Variants in ZNF558 observed in about 807,000 individuals in gnomAD.
The protein encoded by ZNF558 is zinc finger protein 558.
In ZNF558, 23 loss-of-function variants were observed where a neutral mutation model predicts 37.6. The observed-to-expected ratio is 0.61, with a 90% CI of 0.44 to 0.87. The LOEUF (loss-of-function observed/expected upper bound fraction) is 0.87. ZNF558 is among the 40% of genes least tolerant of loss of function. The pLI is 0.00. For synonymous variants in ZNF558, 189 were observed against 174.4 expected (o/e 1.08, Z -0.66); for missense variants, 429 against 483.7 (o/e 0.89, Z 1.06).
intron 8 of ZNF558, 64 bp from the exon 9 acceptor site, chr19:8,812,707 G>T: frequency 2.8e-6 from 3 of 1,066,524 alleles, no homozygotes; most frequent in Non-Finnish European, 4.1e-6. Flanking sequence ...GTACACATGA[G>T]TAAAGGCAGA....
chr19:8,821,159 C>G (rs373468431), intron 7 of ZNF558, 21 bp downstream of exon 7: 2 of 1,610,120 alleles, frequency 1.2e-6, no homozygotes, highest in Non-Finnish European at 1.7e-6. Flanking sequence ...TAAATAAATG[C>G]AGGAATGACA....
chr19:8,821,664 G>A, intron 6 of ZNF558: 2 of 1,304,672 alleles, frequency 1.5e-6, no homozygotes, highest in Non-Finnish European at 2.0e-6. Context: ...CCGTGACATG[G>A]CAGAAAGCAG....
At position 8,808,788 on chromosome 19, in the gene ZNF558, T is replaced by C. The variant is rs1555766660; in HGVS notation, c.*2493A>G. On this transcript the variant is annotated 3_prime_UTR_variant, in exon 10 of 10. Transcript: ENST00000601372. The stretch of plus-strand genomic sequence containing the variant: ...GGTTTCTTTTTTTAAAAATATTTAT[T>C]TGTTTATTTTGAGATGGAGTCTCGC... The C allele has an allele frequency of 6.6e-6, 1 of 151,966 alleles. No homozygotes were observed. Among genetic ancestry groups the C allele is most frequent in the African/African-American group, 2.4e-5 (1 of 41,332 alleles). 9.4% of individuals were successfully genotyped at this position (151,966 alleles called of 1,614,324 possible). A position where few individuals can be genotyped will look rare whatever the true frequency, so the allele number is the denominator to read the frequency against.
upstream of ZNF558, among the ~76,000 whole-genome samples, chr19:8,834,272 T>G (rs1305316939): frequency 6.6e-6 from 1 of 152,152 alleles, no homozygotes; most frequent in African/African-American, 2.4e-5. Flanking sequence ...AAGACTGTTC[T>G]CTTCAACAAA....
chr19:8,837,713 T>C, the ZNF558 span, among the ~76,000 whole-genome samples: 1 of 152,190 alleles, frequency 6.6e-6, no homozygotes, highest in Non-Finnish European at 1.5e-5. Flanking sequence ...CTGAGGATAC[T>C]TTATACTCTG....
chr19:8,817,760 T>TCC (rs1171935858), intron 7 of ZNF558, among the ~76,000 whole-genome samples: 1 of 152,202 alleles, frequency 6.6e-6, no homozygotes, highest in African/African-American at 2.4e-5. Flanking sequence ...ATTATAGTTG[T>TCC]ATAAAGCATC....
At chr19:8,834,288 C>G (rs1384258308), upstream of ZNF558, among the ~76,000 whole-genome samples, 1 of 152,132 alleles carries the variant, frequency 6.6e-6, no homozygotes, top group Non-Finnish European at 1.5e-5. Context: ...ACAAATTGTG[C>G]TGGGACAACT....
At chr19:8,828,221 A>G (rs1303091526) in intron 2 of ZNF558, among the ~76,000 whole-genome samples, 1 of 152,218 alleles carries the variant, frequency 6.6e-6, no homozygotes, top group Non-Finnish European at 1.5e-5. Flanking sequence ...CTAAAACAAC[A>G]GCCAAAGAAG....
upstream of ZNF558, among the ~76,000 whole-genome samples, chr19:8,832,845 T>C (rs112537142): frequency 9.5e-4 from 139 of 146,156 alleles, no homozygotes; most frequent in African/African-American, 3.4e-3. Context: ...GCCCTGGAGG[T>C]TGGGGCTGGC....
chr19:8,819,656 G>A (rs2044031663), intron 7 of ZNF558, among the ~76,000 whole-genome samples: 1 of 152,202 alleles, frequency 6.6e-6, no homozygotes, highest in African/African-American at 2.4e-5. Flanking sequence ...ATGGGCAGAG[G>A]ACTGGGAGCG....
chr19:8,829,620 T>C (rs2044305525), intron 2 of ZNF558, among the ~76,000 whole-genome samples: 1 of 152,194 alleles, frequency 6.6e-6, no homozygotes. Flanking sequence ...CCAGGGTCCC[T>C]GTGCATCTGA....
At position 8,814,865 on chromosome 19, in the gene ZNF558, T is replaced by C. The variant is rs372294404; in HGVS notation, c.248-1643A>G. On this transcript the variant is annotated intron_variant, in intron 7 of 9. Coordinates refer to ENST00000601372, the MANE Select transcript of ZNF558 (RefSeq NM_144693.3). ...AAAGTTAGTTCTGAAATAGAACTAT[T>C]GTATATTCTAACAGGAGTTTACAAT... 2.3e-3 allele frequency among the ~76,000 whole-genome samples: 348 copies of C among 152,350 alleles called. 2 individuals carry two copies. Among genetic ancestry groups the C allele is most frequent in the East Asian group, 7.3e-3 (38 of 5,188 alleles).
Position 8,813,214 on chromosome 19 carries a change from C to A in ZNF558, c.256G>T (p.Val86Phe). ...TGGGATATCAGACTGGGTTTATTAACACGACACCCTATTTATGGAAACAAT... is the reference window on the plus strand; with the variant it reads ...TGGGATATCAGACTGGGTTTATTAAAACGACACCCTATTTATGGAAACAAT... ...CRNLASLGCRVNKPSLISQLE... is the reference protein window; with the variant it reads ...CRNLASLGCRFNKPSLISQLE... The change falls in exon 8 of 10, where the codon GTT becomes TTT. Residue 86 changes from valine (V) to phenylalanine (F), a missense_variant. Transcript: ENST00000601372. 1.9e-6 allele frequency: 3 copies of A among 1,590,562 alleles called. No homozygotes were observed. The highest frequency in any genetic ancestry group is 2.6e-6 in the Non-Finnish European group (3 of 1,167,204).
chr19:8,806,844 T>C lies in ZNF558; in HGVS notation c.*4437A>G, dbSNP rs901225502. On this transcript the variant is annotated 3_prime_UTR_variant, in exon 10 of 10. Coordinates refer to ENST00000601372, the MANE Select transcript of ZNF558 (RefSeq NM_144693.3). ...CCCTTTATATGTCAGATGTCATTCA[T>C]TGTCTTCTTGCTTCCATAGTTTCTT... 2.0e-5 allele frequency: 3 copies of C among 152,222 alleles called. No homozygotes were observed. Among genetic ancestry groups the C allele is most frequent in the Non-Finnish European group, 4.4e-5 (3 of 68,042 alleles). 9.4% of individuals were successfully genotyped at this position (152,222 alleles called of 1,614,324 possible).
chr19:8,826,100 CCA>C (rs1350007545), intron 2 of ZNF558, among the ~76,000 whole-genome samples: 1 of 152,008 alleles, frequency 6.6e-6, no homozygotes, highest in African/African-American at 2.4e-5. Context: ...GAGGAACAAG[CCA>C]CAGTCAGGGA....
Position 8,806,723 on chromosome 19 carries a change from C to T in ZNF558, c.*4558G>A, listed in dbSNP as rs1460483072. 2.6e-5 allele frequency: 4 copies of T among 151,658 alleles called. No individual in the cohort carries two copies. The highest frequency in any genetic ancestry group is 4.4e-5 in the Non-Finnish European group (3 of 67,966). The allele number at this position is 151,658 out of a possible 1,614,324, so 9.4% of individuals were successfully genotyped here. A position where few individuals can be genotyped will look rare whatever the true frequency, so the allele number is the denominator to read the frequency against. ...AAAAAAAAAAAAAAAAATATTCCCT[C>T]CCATTGGAAAACATTGTTGCCTTCA... On this transcript the variant is annotated 3_prime_UTR_variant, in exon 10 of 10. Coordinates refer to ENST00000601372, the MANE Select transcript of ZNF558 (RefSeq NM_144693.3).
rs1208858965 is a variant in ZNF558, at chr19:8,831,419, A to G, written c.-592-18T>C. The G allele has an allele frequency of 6.7e-6, 1 of 149,716 alleles. No individual in the cohort carries two copies. Among genetic ancestry groups the G allele is most frequent in the Non-Finnish European group, 1.5e-5 (1 of 67,348 alleles). The allele number at this position is 149,716 out of a possible 1,614,324, so 9.3% of individuals were successfully genotyped here. On this transcript the variant is annotated intron_variant, in intron 1 of 9. Coordinates refer to ENST00000601372, the MANE Select transcript of ZNF558 (RefSeq NM_144693.3). ...TTTCTCATCTGAAAAAAAAAAAAAG[A>G]CACAAAGATTTCTTTCGAGGCTTTG...
chr19:8,822,060 T>G lies in ZNF558; in HGVS notation c.63A>C (p.Gln21His), dbSNP rs764281297. ...GCTCTCCGCCCTGTGTGTGTCCTTT[T>G]TGCTGAGAGGCTGGGAACAGGGAAG... is the stretch of plus-strand genomic sequence containing the variant. ...APSSLFPASQ[Q>H]KGHTQGGELV... The change falls in exon 6 of 10, where the codon CAA (glutamine) becomes CAC (histidine). Residue 21 changes from glutamine (Q) to histidine (H), a missense_variant. Physicochemically the swap from Gln to His is conservative, Grantham distance 24. Coordinates refer to ENST00000601372, the MANE Select transcript of ZNF558 (RefSeq NM_144693.3). The surrounding 1 kb of genome is among the most constrained non-coding windows in gnomAD (Gnocchi z 4.4). 1.2e-6 allele frequency: 2 copies of G among 1,614,086 alleles called. No homozygotes were observed.
chr19:8,814,185 C>A (rs1182238909), intron 7 of ZNF558, among the ~76,000 whole-genome samples: 1 of 152,140 alleles, frequency 6.6e-6, no homozygotes. Context: ...TTTAAATGGA[C>A]CTCTTTCCCC....
Sources: allele counts gnomAD v4.1 joint callset (sites outside exome capture counted in the v4.1 genomes callset), GRCh38; gene constraint gnomAD v4.1.1; non-coding constraint Gnocchi (gnomAD v3.1); transcripts MANE v1.5; gene names NCBI Gene and HGNC (gene_info 2026-07-23, HGNC 2026-07-21).